Variants in THSD4 observed in about 807,000 individuals in gnomAD.
THSD4 encodes thrombospondin type-1 domain-containing protein 4.
A neutral mutation model predicts 119.0 loss-of-function variants in THSD4; 69 were observed. The observed-to-expected ratio is 0.58, with a 90% CI of 0.48 to 0.71. The LOEUF (loss-of-function observed/expected upper bound fraction) is 0.71. THSD4 is among the 30% of genes least tolerant of loss of function. The pLI, the probability that THSD4 is intolerant of heterozygous loss-of-function variation, is 0.00. For synonymous variants in THSD4, 524 were observed against 540.4 expected, an observed-to-expected ratio of 0.97 and a Z score of 0.42; for missense variants, 1,393 against 1,391.1, an observed-to-expected ratio of 1.00 and a Z score of -0.02.
intron 7 of THSD4, among the ~76,000 whole-genome samples, chr15:71,523,344 C>G (rs1019312860): frequency 2.0e-5 from 3 of 152,180 alleles, no homozygotes; most frequent in Non-Finnish European, 4.4e-5. Context: ...GGCTCCATCA[C>G]CACACGGCCT....
At position 71,757,999 on chromosome 15, in the gene THSD4, G is replaced by A. The variant is rs1022028200; in HGVS notation, c.2513G>A (p.Arg838Gln). 2.5e-6 allele frequency: 4 copies of A among 1,613,664 alleles called. No individual in the cohort carries two copies. The African/African-American group carries it at 4.0e-5, about 16-fold the overall frequency. The change falls in exon 15 of 18, where the codon CGG becomes CAG. Residue 838 changes from arginine to glutamine, a missense_variant. Arg to Gln is a conservative substitution (Grantham distance 43). Coordinates refer to ENST00000261862, the MANE Select transcript of THSD4 (RefSeq NM_024817.3). ...SLPLEGCGNN[R>Q]PAEATPCDNG... ...CCCCTGGAGGGCTGTGGGAACAACC[G>A]GCCGGCAGAGGCCACCCCATGTGAC...
At chr15:71,776,689 GA>G (rs72140959) in intron 17 of THSD4, among the ~76,000 whole-genome samples, 8,936 of 148,580 alleles carry the variant, frequency 0.06, 453 homozygotes, top group African/African-American at 0.13. Flanking sequence ...GTTTGCACTA[GA>G]AAAAAAAAAT....
chr15:71,598,678 C>A (rs1483166409), intron 7 of THSD4, among the ~76,000 whole-genome samples: 1 of 152,090 alleles, frequency 6.6e-6, no homozygotes, highest in Non-Finnish European at 1.5e-5. Flanking sequence ...GTGTGTAGTG[C>A]GAGATCATAG....
chr15:71,720,011 A>G (rs981918006), intron 8 of THSD4, among the ~76,000 whole-genome samples: 3 of 149,078 alleles, frequency 2.0e-5, no homozygotes, highest in Non-Finnish European at 3.0e-5. Context: ...TTTGCTGTGT[A>G]ATAACATGTG....
Position 71,454,355 on chromosome 15 carries a change from G to T in THSD4, c.1152+42532G>T, listed in dbSNP as rs186139152. On this transcript the variant is annotated intron_variant, in intron 7 of 17. Transcript: ENST00000261862. The stretch of plus-strand genomic sequence containing the variant: ...AAAGGTAATAAACCTTAATACTTAA[G>T]TTAAACAAGGCATTTTCTGTATGTT... Among the ~76,000 whole-genome samples, 396 of 152,270 alleles carry T rather than the reference G, an allele frequency of 2.6e-3. 1 individual carries two copies. The highest frequency in any genetic ancestry group is 4.6e-3 in the South Asian group (22 of 4,812).
intron 8 of THSD4, among the ~76,000 whole-genome samples, chr15:71,702,432 G>A (rs2052310181): frequency 6.6e-6 from 1 of 151,866 alleles, no homozygotes; most frequent in African/African-American, 2.4e-5. Flanking sequence ...TGTAAGGAAG[G>A]GGAGGCCCAG....
chr15:71,194,964 C>T (rs760632386), intron 3 of THSD4, among the ~76,000 whole-genome samples: 1 of 152,066 alleles, frequency 6.6e-6, no homozygotes, highest in Non-Finnish European at 1.5e-5. Context: ...GCCTGGTGTT[C>T]CGAAGCCCAG....
intron 6 of THSD4, among the ~76,000 whole-genome samples, chr15:71,395,299 A>C (rs929796382): frequency 2.0e-5 from 3 of 152,148 alleles, no homozygotes; most frequent in African/African-American, 7.2e-5. Flanking sequence ...CTGCTAAGGG[A>C]CATGCCGTGA....
chr15:71,426,617 A>G (rs2046873072), intron 7 of THSD4, among the ~76,000 whole-genome samples: 1 of 152,138 alleles, frequency 6.6e-6, no homozygotes, highest in African/African-American at 2.4e-5. Context: ...CTCTTTTCCA[A>G]GATATTTGCA....
chr15:71,215,186 C>A lies in THSD4; in HGVS notation c.251C>A (p.Ser84Tyr). 1 of 1,364,036 alleles carries A rather than the reference C, an allele frequency of 7.3e-7. No homozygotes were observed. Among genetic ancestry groups the A allele is most frequent in the Non-Finnish European group, 9.4e-7 (1 of 1,061,918 alleles). The allele number at this position is 1,364,036 out of a possible 1,614,324, so 84.5% of individuals were successfully genotyped here. A position where few individuals can be genotyped will look rare whatever the true frequency, so the allele number is the denominator to read the frequency against. Residue 84 changes from serine to tyrosine, a missense_variant, in exon 4 of 18, where the codon TCC becomes TAC. By Grantham distance (144) the Ser-to-Tyr change is moderately radical. Coordinates refer to ENST00000261862, the MANE Select transcript of THSD4 (RefSeq NM_024817.3). ...CAGACGCGGCCCTGCCTGCCCCGCT[C>A]CTACCGCCTGCGCGGCGGCCAGCGG... ...MEQTRPCLPR[S>Y]YRLRGGQRPG...
intron 17 of THSD4, among the ~76,000 whole-genome samples, chr15:71,776,614 T>C (rs1314544834): frequency 6.6e-6 from 1 of 152,128 alleles, no homozygotes; most frequent in Admixed American, 6.5e-5. Flanking sequence ...CTAGCAAAGT[T>C]GGATATACCT....
rs1028194470 is a variant in THSD4 at position 71,324,701 on chromosome 15, A to G, written c.1015+67986A>G. ...ATATATACCACATTTTCTTTATCCA[A>G]TCATTGGCCTATGGACACTTAGGTT... is the stretch of plus-strand genomic sequence containing the variant. On this transcript the variant is annotated intron_variant, in intron 6 of 17. Coordinates refer to ENST00000261862, the MANE Select transcript of THSD4 (RefSeq NM_024817.3). Among the ~76,000 whole-genome samples the G allele has an allele frequency of 5.3e-5, 8 of 152,134 alleles. No homozygotes were observed. The East Asian group carries it at 5.8e-4, about 11-fold the overall frequency.
intron 7 of THSD4, among the ~76,000 whole-genome samples, chr15:71,494,542 CCCCCCA>C (rs1368991909): frequency 6.6e-6 from 1 of 152,048 alleles, no homozygotes; most frequent in African/African-American, 2.4e-5. Flanking sequence ...CATACTCTGA[CCCCCCA>C]CCCCCACCGC....
chr15:71,305,987 A>G (rs1369589077), intron 6 of THSD4, among the ~76,000 whole-genome samples: 1 of 152,018 alleles, frequency 6.6e-6, no homozygotes, highest in Non-Finnish European at 1.5e-5. Flanking sequence ...TTTCCCTCAA[A>G]CGATTGTAAA....
chr15:71,194,857 T>C (rs1299542241), intron 3 of THSD4, among the ~76,000 whole-genome samples: 1 of 152,156 alleles, frequency 6.6e-6, no homozygotes, highest in Non-Finnish European at 1.5e-5. Flanking sequence ...TACACATAGT[T>C]ATACCTTGTG....
intron 7 of THSD4, among the ~76,000 whole-genome samples, chr15:71,651,508 T>TCCTCTCAGC (rs1172947881): frequency 6.6e-6 from 1 of 152,148 alleles, no homozygotes; most frequent in African/African-American, 2.4e-5. Context: ...ACCCAGTCAG[T>TCCTCTCAGC]CCTCTCAGCC....
At chr15:71,464,227 G>A (rs2047467813) in intron 7 of THSD4, among the ~76,000 whole-genome samples, 3 of 152,134 alleles carry the variant, frequency 2.0e-5, no homozygotes, top group Admixed American at 1.3e-4. Context: ...ATCACCATGG[G>A]TAGGATATAC....
chr15:71,624,148 T>G (rs2140932912), intron 7 of THSD4, among the ~76,000 whole-genome samples: 1 of 152,300 alleles, frequency 6.6e-6, no homozygotes, highest in Non-Finnish European at 1.5e-5. Context: ...CAGGGAGTTC[T>G]GGAGCCACAA....
At position 71,594,886 on chromosome 15, in the gene THSD4, G is replaced by A. The variant is rs140651463; in HGVS notation, c.1153-65644G>A. Among the ~76,000 whole-genome samples, 76 of 152,302 alleles carry A rather than the reference G, an allele frequency of 5.0e-4. 2 individuals carry two copies. In the East Asian group the frequency reaches 0.012, roughly 24 times the overall value. ...CGGGAGCGGAAATAAGTGAGCAGCT[G>A]AGTCTCCTTTGGGAGGGAGGGATTG... On this transcript the variant is annotated intron_variant, in intron 7 of 17. Coordinates refer to ENST00000261862, the MANE Select transcript of THSD4 (RefSeq NM_024817.3).
Sources: gnomAD v4.1 joint callset for allele counts (sites outside exome capture counted in the v4.1 genomes callset) on GRCh38, gnomAD v4.1.1 for gene constraint, MANE v1.5 for transcripts, NCBI Gene and HGNC (gene_info 2026-07-23, HGNC 2026-07-21) for gene names.